The following CDH12 variants were observed in gnomAD, a reference collection of about 807,000 sequenced individuals.
CDH12 encodes cadherin-12.
A neutral mutation model predicts 74.1 loss-of-function variants in CDH12; 41 were observed. The observed-to-expected ratio is 0.55, with a 90% CI of 0.43 to 0.72. The LOEUF (loss-of-function observed/expected upper bound fraction) is 0.72, where lower values mean the gene tolerates loss of function less well. CDH12 is among the 30% of genes least tolerant of loss of function. The pLI, the probability that CDH12 is intolerant of heterozygous loss-of-function variation, is 0.00. For missense variants in CDH12, 945 were observed against 977.2 expected, an observed-to-expected ratio of 0.97 and a Z score of 0.44; for synonymous variants, 399 against 355.0, an observed-to-expected ratio of 1.12 and a Z score of -1.39.
intron 3 of CDH12, among the ~76,000 whole-genome samples, chr5:22,228,304 C>T (rs564656280): frequency 2.0e-4 from 31 of 151,960 alleles, no homozygotes; most frequent in Admixed American, 1.6e-3. Context: ...AATATAACAC[C>T]GTAGCAGCAT....
intron 1 of CDH12, among the ~76,000 whole-genome samples, chr5:22,624,217 A>T (rs1738146988): frequency 6.6e-6 from 1 of 152,178 alleles, no homozygotes; most frequent in African/African-American, 2.4e-5. Flanking sequence ...CCTAGAAGAA[A>T]ACCTAGGCAA....
At chr5:22,316,844 TC>T (rs1738653880) in intron 3 of CDH12, among the ~76,000 whole-genome samples, 1 of 152,168 alleles carries the variant, frequency 6.6e-6, no homozygotes, top group African/African-American at 2.4e-5. Flanking sequence ...GATGAACAGT[TC>T]CAGAAACTAG....
chr5:22,632,175 T>A (rs969583445), intron 1 of CDH12, among the ~76,000 whole-genome samples: 1 of 152,076 alleles, frequency 6.6e-6, no homozygotes, highest in Non-Finnish European at 1.5e-5. Context: ...ACAATTTGCC[T>A]GTATAACAAA....
intron 2 of CDH12, among the ~76,000 whole-genome samples, chr5:22,454,770 C>A (rs538522272): frequency 3.9e-5 from 6 of 152,304 alleles, no homozygotes; most frequent in African/African-American, 1.2e-4. Context: ...CCACTGTGCC[C>A]AGCCTCTCTT....
At chr5:22,710,349 TC>T (rs1396131607) in intron 1 of CDH12, among the ~76,000 whole-genome samples, 1 of 152,182 alleles carries the variant, frequency 6.6e-6, no homozygotes, top group Non-Finnish European at 1.5e-5. Flanking sequence ...AAAATTTCAT[TC>T]ATCAGCATTT....
At chr5:22,148,354 T>C (rs1363627564) in intron 4 of CDH12, among the ~76,000 whole-genome samples, 30 of 152,062 alleles carry the variant, frequency 2.0e-4, no homozygotes, top group Non-Finnish European at 2.9e-4. Context: ...GTGCATTATA[T>C]GTTGCTACTG....
At chr5:22,521,511 C>G (rs1463757415) in intron 1 of CDH12, among the ~76,000 whole-genome samples, 6 of 152,118 alleles carry the variant, frequency 3.9e-5, no homozygotes, top group Non-Finnish European at 8.8e-5. Flanking sequence ...ACCTAATCTA[C>G]ATATTCTATA....
rs1353667709 is a variant in CDH12 at position 22,724,987 on chromosome 5, A to G, written c.-523+128071T>C. On this transcript the variant is annotated intron_variant, in intron 1 of 14. Coordinates refer to ENST00000382254, the MANE Select transcript of CDH12 (RefSeq NM_004061.5). Reference sequence around the variant, plus strand: ...AACACCACGTTTCCAGTAATAGGAAATATTATCAACTTAATTTTACTGTGT... The same window carrying G: ...AACACCACGTTTCCAGTAATAGGAAGTATTATCAACTTAATTTTACTGTGT... Among the ~76,000 whole-genome samples, 3 of 151,912 alleles carry G rather than the reference A, an allele frequency of 2.0e-5. No individual in the cohort carries two copies. The East Asian group carries it at 5.8e-4, about 29-fold the overall frequency.
chr5:22,046,271 T>C (rs542907197), intron 5 of CDH12, among the ~76,000 whole-genome samples: 3 of 152,230 alleles, frequency 2.0e-5, no homozygotes, highest in Admixed American at 1.3e-4. Context: ...TTACAGCACA[T>C]GAAAACTGCA....
chr5:22,092,277 GA>G (rs2150239318), intron 4 of CDH12, among the ~76,000 whole-genome samples: 1 of 152,042 alleles, frequency 6.6e-6, no homozygotes, highest in African/African-American at 2.4e-5. Context: ...TGGACTTTAG[GA>G]AAATTAGCAA....
chr5:22,570,166 C>T (rs1361783811), intron 1 of CDH12, among the ~76,000 whole-genome samples: 5 of 151,900 alleles, frequency 3.3e-5, no homozygotes, highest in African/African-American at 1.2e-4. Flanking sequence ...AGTGATTCTC[C>T]TGCCTCAGCC....
chr5:21,950,692 A>G (rs931159823), intron 6 of CDH12, among the ~76,000 whole-genome samples: 20 of 150,696 alleles, frequency 1.3e-4, no homozygotes, highest in Admixed American at 6.6e-5. Flanking sequence ...AAAAAGAGAG[A>G]AACAGTAAAA....
chr5:22,503,765 G>C (rs886955250), intron 2 of CDH12, among the ~76,000 whole-genome samples: 1 of 152,022 alleles, frequency 6.6e-6, no homozygotes, highest in African/African-American at 2.4e-5. Context: ...TTTGGGAGGA[G>C]TATGAGTCTC....
chr5:22,549,263 G>A lies in CDH12; in HGVS notation c.-522-43899C>T, dbSNP rs371515030. 3.4e-4 allele frequency among the ~76,000 whole-genome samples: 51 copies of A among 151,906 alleles called. No individual in the cohort carries two copies. The East Asian group carries it at 5.4e-3, about 16-fold the overall frequency. ...GCTGAGATTATAGACCTGAGCCACCGCACCTGGCCTCCAATCCACTTCTTA... is the reference window on the plus strand; with the variant it reads ...GCTGAGATTATAGACCTGAGCCACCACACCTGGCCTCCAATCCACTTCTTA... On this transcript the variant is annotated intron_variant, in intron 1 of 14. Transcript: ENST00000382254.
chr5:21,765,096 T>C lies in CDH12; in HGVS notation c.1397A>G (p.Asn466Ser). 6.4e-7 allele frequency: 1 copy of C among 1,569,760 alleles called. No individual in the cohort carries two copies. The highest frequency in any genetic ancestry group is 1.2e-5 in the South Asian group (1 of 84,094). The change falls in exon 12 of 15, where the codon AAC (asparagine) becomes AGC (serine). Residue 466 changes from asparagine to serine, a missense_variant. This residue lies in a region of CDH12 where 791 missense variants were observed against 792.8 expected (regional missense o/e 1.00). Transcript: ENST00000382254. ...NFSIIASKVS[N>S]PLLTSKVNIL... ...ATTGACTTTGCTGGTCAATAAAGGG[T>C]TACCTGTTAAAAACATATAAAGATA... is the stretch of plus-strand genomic sequence containing the variant.
chr5:22,748,970 A>G (rs1441967013), intron 1 of CDH12, among the ~76,000 whole-genome samples: 2 of 152,214 alleles, frequency 1.3e-5, no homozygotes, highest in Non-Finnish European at 2.9e-5. Flanking sequence ...ACAAAGAAGT[A>G]TAGTACAAAA....
chr5:22,376,152 G>A (rs993270089), intron 3 of CDH12, among the ~76,000 whole-genome samples: 2 of 152,178 alleles, frequency 1.3e-5, no homozygotes, highest in Non-Finnish European at 2.9e-5. Context: ...ATTCGCAGCA[G>A]CATGGATGGA....
chr5:21,846,938 C>G (rs6452005), intron 7 of CDH12, among the ~76,000 whole-genome samples: 99,204 of 151,958 alleles, frequency 0.65, 35,633 homozygotes, highest in East Asian at 0.79. Flanking sequence ...TATGAACTCA[C>G]GGGACTGGCA....
chr5:22,271,077 C>G (rs771332558), intron 3 of CDH12, among the ~76,000 whole-genome samples: 1 of 152,128 alleles, frequency 6.6e-6, no homozygotes, highest in Non-Finnish European at 1.5e-5. Context: ...GTGGGTTTCT[C>G]TGTGCATGTG....
Sources: gnomAD v4.1 joint callset for allele counts (sites outside exome capture counted in the v4.1 genomes callset) on GRCh38, gnomAD v4.1.1 for gene constraint, gnomAD v4.1.1 regional missense constraint, MANE v1.5 for transcripts, NCBI Gene and HGNC (gene_info 2026-07-23, HGNC 2026-07-21) for gene names.